The following WDFY3 variants were observed in gnomAD, a reference collection of about 807,000 sequenced individuals.
WDFY3 encodes WD repeat and FYVE domain-containing protein 3.
Under a neutral mutation model 409.6 loss-of-function variants are expected in WDFY3, and 66 were observed. The ratio of observed to expected loss-of-function variants is 0.16; its 90% CI spans 0.13 to 0.20. The LOEUF is 0.20. Ranked by LOEUF, WDFY3 falls within the 10% of genes least tolerant of loss-of-function variation. WDFY3 has a pLI of 1.00. For missense variants in WDFY3, 3,031 were observed against 4,298.1 expected, an observed-to-expected ratio of 0.71 and a Z score of 8.24; for synonymous variants, 1,521 against 1,537.1, an observed-to-expected ratio of 0.99 and a Z score of 0.25.
chr4:84,859,575 A>G (rs1207093286), intron 4 of WDFY3, among the ~76,000 whole-genome samples: 2 of 152,052 alleles, frequency 1.3e-5, no homozygotes, highest in Non-Finnish European at 1.5e-5. Context: ...TAAAAAAGTT[A>G]TTATTATTAT....
intron 5 of WDFY3, among the ~76,000 whole-genome samples, chr4:84,846,561 A>G (rs906427705): frequency 2.7e-5 from 4 of 150,316 alleles, no homozygotes; most frequent in African/African-American, 9.8e-5. Flanking sequence ...AAATATAGTA[A>G]CAGAGGCAAG....
chr4:84,885,386 ACTC>A (rs1355066596), intron 3 of WDFY3, among the ~76,000 whole-genome samples: 2 of 151,294 alleles, frequency 1.3e-5, no homozygotes, highest in African/African-American at 4.9e-5. Context: ...TCACGTAAGA[ACTC>A]TAACAGGATA....
chr4:84,814,615 CAG>C (rs1296139164), intron 13 of WDFY3, among the ~76,000 whole-genome samples: 1 of 152,096 alleles, frequency 6.6e-6, no homozygotes, highest in African/African-American at 2.4e-5. Context: ...AGTCACTGAG[CAG>C]AGTCTCGGTT....
chr4:84,771,728 T>C (rs1196909852), intron 30 of WDFY3, among the ~76,000 whole-genome samples: 1 of 152,194 alleles, frequency 6.6e-6, no homozygotes, highest in Non-Finnish European at 1.5e-5. Context: ...CATATGGTTA[T>C]TACAAAATTA....
At chr4:84,822,995 G>A (rs890309830) in intron 10 of WDFY3, among the ~76,000 whole-genome samples, 1 of 152,074 alleles carries the variant, frequency 6.6e-6, no homozygotes, top group Admixed American at 6.6e-5. Flanking sequence ...TAGTTCATGT[G>A]ATTATTAATT....
chr4:84,733,310 G>A (rs1156419046), intron 44 of WDFY3, 72 bp downstream of exon 44: 9 of 1,511,706 alleles, frequency 6.0e-6, no homozygotes, highest in Non-Finnish European at 8.1e-6. Context: ...TGACTAAATA[G>A]AGAAAAAACG....
chr4:84,905,614 T>C (rs1209313122), intron 2 of WDFY3, among the ~76,000 whole-genome samples: 1 of 152,210 alleles, frequency 6.6e-6, no homozygotes, highest in African/African-American at 2.4e-5. Context: ...TTCTCTCCTT[T>C]GCAGACAAAG....
chr4:84,761,323 T>C (rs889367582), intron 32 of WDFY3, among the ~76,000 whole-genome samples: 6 of 152,154 alleles, frequency 3.9e-5, no homozygotes, highest in African/African-American at 1.2e-4. Flanking sequence ...CTATTAGGTC[T>C]GCTTGGTGCA....
At chr4:84,963,802 T>C (rs1775252002) in intron 1 of WDFY3, among the ~76,000 whole-genome samples, 1 of 152,350 alleles carries the variant, frequency 6.6e-6, no homozygotes, top group African/African-American at 2.4e-5. Flanking sequence ...GGCCCACCAG[T>C]GTTTGTATGA....
chr4:84,728,295 G>A (rs985835764), intron 44 of WDFY3, among the ~76,000 whole-genome samples: 3 of 152,130 alleles, frequency 2.0e-5, no homozygotes, highest in African/African-American at 4.8e-5. Flanking sequence ...TTGGGAGGCC[G>A]AGGTGGGTGG....
chr4:84,791,698 C>T (rs1748559987), intron 21 of WDFY3, among the ~76,000 whole-genome samples: 1 of 152,024 alleles, frequency 6.6e-6, no homozygotes, highest in African/African-American at 2.4e-5. Flanking sequence ...TAATAAAAGG[C>T]AGTAAGAAGG....
At chr4:84,684,206 C>T in intron 62 of WDFY3, 81 bp from the exon 63 acceptor site, 3 of 1,370,762 alleles carry the variant, frequency 2.2e-6, no homozygotes, top group South Asian at 3.5e-5. Context: ...GAATCCCTGG[C>T]CTAGTTCTCA....
In WDFY3 at chr4:84,841,151, T is replaced by C. The variant is rs372936075; in HGVS notation, c.414+3A>G. The C allele has an allele frequency of 2.7e-5, 43 of 1,602,988 alleles. No individual in the cohort carries two copies. Among genetic ancestry groups the C allele is most frequent in the Non-Finnish European group, 3.5e-5 (41 of 1,177,522 alleles). On this transcript the variant is annotated splice_donor_region_variant and intron_variant, in intron 6 of 67. Coordinates refer to ENST00000295888, the MANE Select transcript of WDFY3 (RefSeq NM_014991.6). ...TTATCAAACATGAAAACTAAGAACT[T>C]ACCTGACCAGAGGAAGCTAACAAAT...
intron 48 of WDFY3, 106 bp downstream of exon 48, chr4:84,718,316 T>C: frequency 8.2e-7 from 1 of 1,221,704 alleles, no homozygotes; most frequent in South Asian, 1.8e-5. Flanking sequence ...AACCGAGAGA[T>C]AACATTACCT....
chr4:84,673,059 T>A (rs1725679863), intron 67 of WDFY3, 68 bp from the exon 68 acceptor site: 1 of 1,596,516 alleles, frequency 6.3e-7, no homozygotes, highest in Non-Finnish European at 8.5e-7. Context: ...CCGGAAACAT[T>A]AATAATCGAA....
intron 17 of WDFY3, among the ~76,000 whole-genome samples, chr4:84,800,163 TACA>T (rs1560791847): frequency 6.6e-6 from 1 of 152,232 alleles, no homozygotes; most frequent in Non-Finnish European, 1.5e-5. Context: ...CACAGCCTGA[TACA>T]ACACCATTTA....
At chr4:84,758,118 C>T (rs1219790741) in intron 32 of WDFY3, among the ~76,000 whole-genome samples, 1 of 152,160 alleles carries the variant, frequency 6.6e-6, no homozygotes, top group Non-Finnish European at 1.5e-5. Flanking sequence ...TCACCTCATA[C>T]CTAGGGAAGT....
In WDFY3 at chr4:84,782,949, A is replaced by AT; in HGVS notation, c.4174+13dup. The AT allele has an allele frequency of 1.2e-6, 2 of 1,608,804 alleles. No homozygotes were observed. Among genetic ancestry groups the AT allele is most frequent in the African/African-American group, 1.3e-5 (1 of 74,802 alleles). Reference sequence around the variant, plus strand: ...AATAAAGAAGTTTGAAACAACAAAGATAAGTCCACTCACCCAAGTATCCAA... The same window carrying AT: ...AATAAAGAAGTTTGAAACAACAAAGATTAAGTCCACTCACCCAAGTATCCAA... On this transcript the variant is annotated intron_variant, in intron 25 of 67. Coordinates refer to ENST00000295888, the MANE Select transcript of WDFY3 (RefSeq NM_014991.6).
chr4:84,821,888 T>C (rs1323897310), intron 10 of WDFY3, among the ~76,000 whole-genome samples: 1 of 152,150 alleles, frequency 6.6e-6, no homozygotes, highest in Non-Finnish European at 1.5e-5. Context: ...ATGAGATTGA[T>C]TTTGACTATA....
Sources: gnomAD v4.1 joint callset for allele counts (sites outside exome capture counted in the v4.1 genomes callset) on GRCh38, gnomAD v4.1.1 for gene constraint, MANE v1.5 for transcripts, NCBI Gene and HGNC (gene_info 2026-07-23, HGNC 2026-07-21) for gene names.